Variants in PRKCB observed in about 807,000 individuals in gnomAD.
The protein encoded by PRKCB is protein kinase C beta.
In PRKCB, 13 loss-of-function variants were observed where a neutral mutation model predicts 81.5. The observed-to-expected ratio is 0.16, with a 90% CI of 0.10 to 0.25. PRKCB has a LOEUF of 0.25. Ranked by LOEUF, PRKCB falls within the 10% of genes least tolerant of loss-of-function variation. The pLI is 1.00. For missense variants in PRKCB, 509 were observed against 875.7 expected (o/e 0.58, Z 5.29); for synonymous variants, 335 against 321.4 (o/e 1.04, Z -0.45).
At chr16:23,851,387 G>A (rs1962470801) in intron 2 of PRKCB, among the ~76,000 whole-genome samples, 1 of 152,084 alleles carries the variant, frequency 6.6e-6, no homozygotes, top group South Asian at 2.1e-4. Context: ...AAAATCAGTT[G>A]GCTATAAATG....
At chr16:23,859,886 A>AGGGAGG (rs66774780) in intron 2 of PRKCB, among the ~76,000 whole-genome samples, 1 of 32,798 alleles carries the variant, frequency 3.0e-5, no homozygotes, top group African/African-American at 1.1e-4. Context: ...AGAGAGAGAA[A>AGGGAGG]GAGAGAGAGA....
At chr16:24,176,513 A>G (rs967571619) in intron 12 of PRKCB, among the ~76,000 whole-genome samples, 1 of 152,266 alleles carries the variant, frequency 6.6e-6, no homozygotes, top group Non-Finnish European at 1.5e-5. Context: ...GAAATGGCAC[A>G]TGGAAATCCT....
chr16:24,134,406 G>A (rs1966858476), intron 9 of PRKCB, among the ~76,000 whole-genome samples: 1 of 152,062 alleles, frequency 6.6e-6, no homozygotes, highest in Admixed American at 6.6e-5. Context: ...GACCAGCCCA[G>A]CCTGAGCAAC....
intron 2 of PRKCB, among the ~76,000 whole-genome samples, chr16:23,962,466 C>G (rs534186118): frequency 6.6e-6 from 1 of 152,334 alleles, no homozygotes; most frequent in East Asian, 1.9e-4. Context: ...AACCCCTGGC[C>G]ATATTTAGAT....
chr16:24,200,080 A>C (rs908317151), intron 16 of PRKCB, among the ~76,000 whole-genome samples: 1 of 152,254 alleles, frequency 6.6e-6, no homozygotes, highest in Non-Finnish European at 1.5e-5. Context: ...TCAGGATTTT[A>C]AAAGATGCAA....
At chr16:24,020,976 T>TTTTCTTTCTTTCTTTCTCTCTTTC (rs1965353632) in intron 3 of PRKCB, among the ~76,000 whole-genome samples, 1 of 96,630 alleles carries the variant, frequency 1.0e-5, no homozygotes, top group Admixed American at 1.2e-4. Context: ...AGACTTTTCT[T>TTTTCTTTCTTTCTTTCTCTCTTTC]TTTCTTTCTT....
chr16:24,094,822 A>T (rs1291878518), intron 7 of PRKCB, among the ~76,000 whole-genome samples: 1 of 136,422 alleles, frequency 7.3e-6, no homozygotes, highest in East Asian at 2.0e-4. Context: ...GAAGGAAGGA[A>T]GGAAGGAAGG....
chr16:24,161,607 A>G (rs1462312545), intron 10 of PRKCB, among the ~76,000 whole-genome samples: 1 of 152,196 alleles, frequency 6.6e-6, no homozygotes, highest in Non-Finnish European at 1.5e-5. Flanking sequence ...TGCTCATTAG[A>G]TGGTTTAGGC....
At chr16:23,968,915 T>C (rs1964522594) in intron 2 of PRKCB, among the ~76,000 whole-genome samples, 1 of 152,040 alleles carries the variant, frequency 6.6e-6, no homozygotes, top group Non-Finnish European at 1.5e-5. Flanking sequence ...GGGCTTCAGT[T>C]TCAGTATCAA....
chr16:24,177,428 G>C (rs926399350), intron 12 of PRKCB, among the ~76,000 whole-genome samples: 4 of 152,144 alleles, frequency 2.6e-5, no homozygotes, highest in African/African-American at 9.7e-5. Flanking sequence ...AAGCCAGTCT[G>C]CATCTGAACC....
At chr16:23,949,568 A>G (rs3785388) in intron 2 of PRKCB, among the ~76,000 whole-genome samples, 51,374 of 151,948 alleles carry the variant, frequency 0.34, 8,951 homozygotes, top group South Asian at 0.53. Flanking sequence ...TTTTTCTTCA[A>G]CAAATATTTT....
intron 9 of PRKCB, among the ~76,000 whole-genome samples, chr16:24,125,752 G>A (rs993495638): frequency 5.3e-5 from 8 of 152,278 alleles, no homozygotes; most frequent in African/African-American, 1.2e-4. Flanking sequence ...GATTGAATGC[G>A]TGGATTCTCT....
chr16:24,135,310 C>CT (rs33975464), intron 9 of PRKCB, among the ~76,000 whole-genome samples: 6,582 of 112,202 alleles, frequency 0.059, 242 homozygotes, highest in African/African-American at 0.078. Context: ...CTCAGTGTCC[C>CT]TTTTTTTTTT....
intron 4 of PRKCB, among the ~76,000 whole-genome samples, chr16:24,032,724 G>A (rs919410462): frequency 2.0e-5 from 3 of 152,090 alleles, no homozygotes; most frequent in Non-Finnish European, 4.4e-5. Context: ...TTCTTAGGAG[G>A]GCAAGTCCCA....
chr16:24,176,957 T>C (rs1259363506), intron 12 of PRKCB, among the ~76,000 whole-genome samples: 1 of 151,324 alleles, frequency 6.6e-6, no homozygotes, highest in Admixed American at 6.6e-5. Context: ...TTCAAGCCGA[T>C]GACTTCAGCT....
intron 5 of PRKCB, among the ~76,000 whole-genome samples, chr16:24,040,758 A>G (rs1023825823): frequency 6.6e-6 from 1 of 152,186 alleles, no homozygotes; most frequent in African/African-American, 2.4e-5. Context: ...GGATTGTCCA[A>G]TTTATACCAT....
At chr16:24,207,572 ATCT>A (rs1968065837) in intron 16 of PRKCB, among the ~76,000 whole-genome samples, 2 of 152,206 alleles carry the variant, frequency 1.3e-5, no homozygotes, top group Admixed American at 1.3e-4. Context: ...ATTCTTCTAC[ATCT>A]TCTTTTAATT....
intron 5 of PRKCB, among the ~76,000 whole-genome samples, chr16:24,047,049 G>A (rs762940368): frequency 6.6e-6 from 1 of 152,022 alleles, no homozygotes; most frequent in African/African-American, 2.4e-5. Context: ...TTAAAAATTA[G>A]CTGGGTAGGC....
chr16:24,092,855 G>A lies in PRKCB; in HGVS notation c.594G>A (p.Leu198=), dbSNP rs777343122. 5.6e-6 allele frequency: 9 copies of A among 1,614,118 alleles called. 1 individual carries two copies. The South Asian group carries it at 8.8e-5, about 16-fold the overall frequency. Residue 198 remains leucine (L), a synonymous_variant, in exon 6 of 17, where the codon CTG becomes CTA. Transcript: ENST00000643927. Reference sequence around the variant, plus strand: ...GCCTGTCAGATCCCTACGTAAAACTGAAACTGATTCCCGATCCCAAAAGTG... The same window carrying A: ...GCCTGTCAGATCCCTACGTAAAACTAAAACTGATTCCCGATCCCAAAAGTG... ...PNGLSDPYVK[L]KLIPDPKSES...
Sources: gnomAD v4.1 joint callset for allele counts (sites outside exome capture counted in the v4.1 genomes callset) on GRCh38, gnomAD v4.1.1 for gene constraint, MANE v1.5 for transcripts, NCBI Gene and HGNC (gene_info 2026-07-23, HGNC 2026-07-21) for gene names.